Variants in CA13 observed in about 807,000 individuals in gnomAD.
The protein encoded by CA13 is CA-XIII.
A neutral mutation model predicts 31.5 loss-of-function variants in CA13; 21 were observed. The observed-to-expected ratio is 0.67, with a 90% CI of 0.47 to 0.96. CA13 has a LOEUF of 0.96. Ranked by LOEUF, CA13 falls within the 40% of genes least tolerant of loss-of-function variation. The pLI, the probability that CA13 is intolerant of heterozygous loss-of-function variation, is 0.00. For missense variants in CA13, 315 were observed against 318.9 expected (o/e 0.99, Z 0.09); for synonymous variants, 117 against 111.4 (o/e 1.05, Z -0.32).
At chr8:85,250,597 A>T (rs781422060) in intron 1 of CA13, 143 bp from the exon 2 acceptor site, 7 of 572,630 alleles carry the variant, frequency 1.2e-5, no homozygotes, top group Non-Finnish European at 2.1e-5. Context: ...AAACAATTAG[A>T]TGCCAAGGTC....
At chr8:85,256,204 C>G (rs183158043) in intron 2 of CA13, among the ~76,000 whole-genome samples, 4 of 152,058 alleles carry the variant, frequency 2.6e-5, no homozygotes, top group Admixed American at 2.6e-4. Context: ...ATTGCTGGAA[C>G]CTTTATTTTT....
chr8:85,245,582 T>A lies in CA13; in HGVS notation c.-247T>A. 1.9e-6 allele frequency: 1 copy of A among 535,940 alleles called. No homozygotes were observed. Among genetic ancestry groups the A allele is most frequent in the Non-Finnish European group, 3.3e-6 (1 of 303,484 alleles). 33.2% of individuals were successfully genotyped at this position (535,940 alleles called of 1,614,324 possible). On this transcript the variant is annotated 5_prime_UTR_variant, in exon 1 of 7. Transcript: ENST00000321764. ...TCTCCCTCTAACTCAAATCTCTCAT[T>A]CCCGAGTCCAAACTAAGAGAGACTC...
chr8:85,253,341 T>C (rs1400725464), intron 2 of CA13, among the ~76,000 whole-genome samples: 2 of 151,800 alleles, frequency 1.3e-5, no homozygotes, highest in East Asian at 3.9e-4. Flanking sequence ...CATGGCTCAC[T>C]GCAGCCTTGA....
intron 2 of CA13, among the ~76,000 whole-genome samples, chr8:85,251,211 C>A (rs1813822387): frequency 1.3e-5 from 2 of 152,050 alleles, no homozygotes; most frequent in African/African-American, 4.8e-5. Flanking sequence ...ACCATGTTGG[C>A]CAGGATGGTC....
chr8:85,268,360 G>A, intron 5 of CA13, 112 bp from the exon 6 acceptor site: 1 of 910,720 alleles, frequency 1.1e-6, no homozygotes, highest in South Asian at 1.8e-5. Context: ...TCTAGATGCA[G>A]ATATTCTGTA....
At chr8:85,280,938 T>A (rs1321914817) in intron 6 of CA13, among the ~76,000 whole-genome samples, 1 of 152,180 alleles carries the variant, frequency 6.6e-6, no homozygotes, top group African/African-American at 2.4e-5. Context: ...TGAAAAACAT[T>A]CTCTGATTTC....
Position 85,281,626 on chromosome 8 carries a change from C to A in CA13, c.*277C>A. On this transcript the variant is annotated 3_prime_UTR_variant, in exon 7 of 7. Coordinates refer to ENST00000321764, the MANE Select transcript of CA13 (RefSeq NM_198584.3). ...CTCCTGGACTCAAGTGATCCTCCCA[C>A]CTCAGCCTCCAGAGTAAGTAGGACC... The A allele has an allele frequency of 2.1e-6, 1 of 482,946 alleles. No homozygotes were observed. The highest frequency in any genetic ancestry group is 2.9e-6 in the Non-Finnish European group (1 of 341,642). The allele number at this position is 482,946 out of a possible 1,614,324, so 29.9% of individuals were successfully genotyped here.
chr8:85,262,523 G>T (rs929261642), intron 3 of CA13, among the ~76,000 whole-genome samples: 1 of 152,140 alleles, frequency 6.6e-6, no homozygotes, highest in East Asian at 1.9e-4. Flanking sequence ...GAATGAAGGG[G>T]AGAGTTGTCA....
chr8:85,252,449 G>A (rs1482523930), intron 2 of CA13, among the ~76,000 whole-genome samples: 1 of 151,894 alleles, frequency 6.6e-6, no homozygotes, highest in Admixed American at 6.6e-5. Flanking sequence ...TCTAGAACAC[G>A]TAATCATTTC....
At chr8:85,265,046 CAT>C (rs1197380528) in intron 3 of CA13, among the ~76,000 whole-genome samples, 1 of 152,170 alleles carries the variant, frequency 6.6e-6, no homozygotes, top group Admixed American at 6.5e-5. Context: ...TCCTGTAAGA[CAT>C]ATTTATCTCC....
chr8:85,276,026 C>G (rs1051467308), intron 6 of CA13, among the ~76,000 whole-genome samples: 3 of 152,132 alleles, frequency 2.0e-5, no homozygotes, highest in Non-Finnish European at 4.4e-5. Context: ...TGGCCAAGGC[C>G]GGAGCCGGCT....
intron 2 of CA13, among the ~76,000 whole-genome samples, chr8:85,253,679 AT>A (rs1037280227): frequency 6.6e-6 from 1 of 152,186 alleles, no homozygotes; most frequent in African/African-American, 2.4e-5. Context: ...ATGTTCAACT[AT>A]ATTTCTTTCA....
chr8:85,259,485 C>A lies in CA13; in HGVS notation c.300C>A (p.Ser100=), dbSNP rs775391404. The change falls in exon 3 of 7, where the codon TCC becomes TCA. Residue 100 remains serine, a synonymous_variant. Coordinates refer to ENST00000321764, the MANE Select transcript of CA13 (RefSeq NM_198584.3). ...RLRQVHLHWG[S]ADDHGSEHIV... is the part of the protein sequence containing the mutation. The stretch of plus-strand genomic sequence containing the variant: ...GGCAGGTTCACCTTCACTGGGGGTC[C>A]GCTGATGACCACGGCTCCGAGCACA... 5.0e-6 allele frequency: 8 copies of A among 1,614,042 alleles called. No homozygotes were observed. The highest frequency in any genetic ancestry group is 1.3e-5 in the African/African-American group (1 of 75,006).
intron 1 of CA13, among the ~76,000 whole-genome samples, chr8:85,250,036 G>A (rs1416499481): frequency 6.6e-6 from 1 of 152,100 alleles, no homozygotes; most frequent in Non-Finnish European, 1.5e-5. Context: ...ATGTAACATT[G>A]GCAAAATAAC....
intron 1 of CA13, among the ~76,000 whole-genome samples, chr8:85,248,630 A>G (rs1253050672): frequency 6.6e-6 from 1 of 152,064 alleles, no homozygotes; most frequent in East Asian, 1.9e-4. Context: ...GGAAAAATTG[A>G]AAAAGGGGAC....
chr8:85,273,419 G>T (rs1807553850), intron 6 of CA13, among the ~76,000 whole-genome samples: 1 of 152,006 alleles, frequency 6.6e-6, no homozygotes, highest in Non-Finnish European at 1.5e-5. Context: ...ATATAGTCTG[G>T]ATAACAGCTC....
At chr8:85,250,222 G>A (rs138122151) in intron 1 of CA13, among the ~76,000 whole-genome samples, 8 of 152,322 alleles carry the variant, frequency 5.3e-5, no homozygotes, top group Non-Finnish European at 1.2e-4. Context: ...AGGTAATTGA[G>A]TGGAGGCCTG....
rs967444119 is a variant in CA13 at position 85,245,761 on chromosome 8, C to T, written c.-68C>T. 8.3e-6 allele frequency: 13 copies of T among 1,573,704 alleles called. No individual in the cohort carries two copies. The Admixed American group carries it at 2.2e-4, about 26-fold the overall frequency. On this transcript the variant is annotated 5_prime_UTR_variant, in exon 1 of 7. Transcript: ENST00000321764. ...CGCCCTAGCAGGCTCCTTCCCGGGCCCCTCCCCGCTCCCTCCTCTTTCTCG... is the reference window on the plus strand; with the variant it reads ...CGCCCTAGCAGGCTCCTTCCCGGGCTCCTCCCCGCTCCCTCCTCTTTCTCG...
At chr8:85,263,071 G>A (rs993040602) in intron 3 of CA13, among the ~76,000 whole-genome samples, 1 of 152,188 alleles carries the variant, frequency 6.6e-6, no homozygotes, top group African/African-American at 2.4e-5. Context: ...TGACTGATAA[G>A]AAGAAAGCAT....
Sources: gnomAD v4.1 joint callset for allele counts (sites outside exome capture counted in the v4.1 genomes callset) on GRCh38, gnomAD v4.1.1 for gene constraint, MANE v1.5 for transcripts, NCBI Gene and HGNC (gene_info 2026-07-23, HGNC 2026-07-21) for gene names.